Variants in MYT1L observed in about 807,000 individuals in gnomAD.
MYT1L encodes myelin transcription factor 1 like.
MYT1L carries 12 observed loss-of-function variants against 126.7 expected under a neutral mutation model. The ratio of observed to expected loss-of-function variants is 0.09; its 90% confidence interval spans 0.06 to 0.15. The LOEUF is 0.15. Ranked by LOEUF, MYT1L falls within the 10% of genes least tolerant of loss-of-function variation. The probability of loss-of-function intolerance (pLI) is 1.00; values close to 1 mark genes in which losing one functional copy is unlikely to be tolerated. For missense variants in MYT1L, 979 were observed against 1,585.2 expected, an observed-to-expected ratio of 0.62 and a Z score of 6.49; for synonymous variants, 541 against 604.2, an observed-to-expected ratio of 0.90 and a Z score of 1.53.
chr2:1,892,403 C>T, intron 14 of MYT1L, 116 bp from the exon 15 acceptor site: 1 of 1,399,290 alleles, frequency 7.1e-7, no homozygotes, highest in Non-Finnish European at 9.5e-7. Context: ...TGGGACGGCC[C>T]TCAGGGTGCT....
At chr2:2,321,588 T>C (rs547754994) in intron 1 of MYT1L, among the ~76,000 whole-genome samples, 1 of 152,242 alleles carries the variant, frequency 6.6e-6, no homozygotes, top group South Asian at 2.1e-4. Flanking sequence ...TGAAAAACCA[T>C]TCTGTTGAGG....
intron 18 of MYT1L, among the ~76,000 whole-genome samples, chr2:1,883,012 C>T (rs777650255): frequency 7.2e-5 from 11 of 152,194 alleles, no homozygotes; most frequent in African/African-American, 1.2e-4. Context: ...GGGACTACTG[C>T]GCGTACGGGA....
intron 4 of MYT1L, among the ~76,000 whole-genome samples, chr2:2,003,042 G>A (rs751720263): frequency 6.6e-6 from 1 of 152,078 alleles, no homozygotes; most frequent in African/African-American, 2.4e-5. Context: ...GCATGAGAAT[G>A]GACTAATATA....
chr2:1,998,844 A>C (rs1243084419), intron 4 of MYT1L, among the ~76,000 whole-genome samples: 2 of 152,090 alleles, frequency 1.3e-5, no homozygotes, highest in South Asian at 2.1e-4. Context: ...CCGCCTTTGG[A>C]TCTTATGTGC....
intron 18 of MYT1L, among the ~76,000 whole-genome samples, chr2:1,858,663 T>G (rs6750860): frequency 0.21 from 31,318 of 152,144 alleles, 4,280 homozygotes; most frequent in African/African-American, 0.39. Flanking sequence ...TCTGGCCAAT[T>G]TCTTAAAGAG....
chr2:2,121,026 C>T (rs372481610), intron 3 of MYT1L, among the ~76,000 whole-genome samples: 1 of 152,170 alleles, frequency 6.6e-6, no homozygotes, highest in African/African-American at 2.4e-5. Flanking sequence ...AACCAGCGCC[C>T]ACAGACCCTT....
chr2:2,009,974 A>G (rs1225728243), intron 4 of MYT1L, among the ~76,000 whole-genome samples: 1 of 145,552 alleles, frequency 6.9e-6, no homozygotes, highest in Non-Finnish European at 1.5e-5. Flanking sequence ...TGAGATGATC[A>G]TGGGGTTTTA....
intron 9 of MYT1L, among the ~76,000 whole-genome samples, chr2:1,934,719 C>G (rs1436553748): frequency 7.0e-6 from 1 of 143,142 alleles, no homozygotes; most frequent in Non-Finnish European, 1.5e-5. Flanking sequence ...CCCCCTGTCT[C>G]TGTCATGTAC....
chr2:2,143,514 CAG>C (rs909972133), intron 3 of MYT1L, among the ~76,000 whole-genome samples: 1 of 152,040 alleles, frequency 6.6e-6, no homozygotes, highest in Non-Finnish European at 1.5e-5. Flanking sequence ...CAAGTCCTCT[CAG>C]GGGGTAGGAG....
intron 3 of MYT1L, among the ~76,000 whole-genome samples, chr2:2,148,278 A>T (rs1484390003): frequency 6.6e-6 from 1 of 152,214 alleles, no homozygotes; most frequent in South Asian, 2.1e-4. Context: ...GTGGAGATGG[A>T]TGGTTTCGGG....
At chr2:2,134,425 G>C (rs990910510) in intron 3 of MYT1L, among the ~76,000 whole-genome samples, 1 of 152,218 alleles carries the variant, frequency 6.6e-6, no homozygotes, top group African/African-American at 2.4e-5. Context: ...GACTATGTAT[G>C]TCCCTTGCTG....
chr2:2,314,778 A>G (rs1030868933), intron 1 of MYT1L, among the ~76,000 whole-genome samples: 14 of 152,168 alleles, frequency 9.2e-5, no homozygotes, highest in Admixed American at 2.6e-4. Context: ...TTCAAACTAT[A>G]CTACCAGGCT....
At chr2:2,078,308 C>T (rs940948120) in intron 3 of MYT1L, among the ~76,000 whole-genome samples, 4 of 152,074 alleles carry the variant, frequency 2.6e-5, no homozygotes, top group Non-Finnish European at 5.9e-5. Context: ...AGAAAATAAA[C>T]TGCATAACTG....
intron 1 of MYT1L, among the ~76,000 whole-genome samples, chr2:2,295,659 CAGACAGAGAGAGAGAGAGAGACAGACAG>C (rs2095670347): frequency 2.2e-5 from 2 of 89,514 alleles, no homozygotes; most frequent in Admixed American, 1.2e-4. Flanking sequence ...GAGAGACAGA[CAGACAGAGAGAGAGAGAGAGACAGACAG>C]AGAGAGAGAG....
At chr2:1,986,816 T>G (rs1419638856) in intron 5 of MYT1L, among the ~76,000 whole-genome samples, 1 of 152,124 alleles carries the variant, frequency 6.6e-6, no homozygotes, top group Non-Finnish European at 1.5e-5. Flanking sequence ...GCTTTGTTGT[T>G]CACACTAAGA....
rs773276922 is a variant in MYT1L, at chr2:1,889,232, A to AG, written c.2520+8dup. The AG allele has an allele frequency of 8.1e-6, 13 of 1,603,870 alleles. No homozygotes were observed. The South Asian group carries it at 1.4e-4, about 18-fold the overall frequency. On this transcript the variant is annotated intron_variant, in intron 16 of 24. Coordinates refer to ENST00000647738, the MANE Select transcript of MYT1L (RefSeq NM_001303052.2). This position sits in a 1 kb window ranked among gnomAD's most constrained non-coding sequence, Gnocchi z 4.1. The stretch of plus-strand genomic sequence containing the variant: ...GGCAGTCAACACAGGCTCAATGAAA[A>AG]GGACATACAGTAATGTCTTTGGACT...
intron 5 of MYT1L, among the ~76,000 whole-genome samples, chr2:1,994,697 T>G (rs1156805096): frequency 6.6e-6 from 1 of 152,224 alleles, no homozygotes; most frequent in Non-Finnish European, 1.5e-5. Flanking sequence ...CTACATCTGG[T>G]TTATATTCAG....
At chr2:2,112,560 T>C (rs1007416376) in intron 3 of MYT1L, among the ~76,000 whole-genome samples, 4 of 152,128 alleles carry the variant, frequency 2.6e-5, no homozygotes, top group African/African-American at 7.2e-5. Context: ...TCCCAGGCAA[T>C]CCCCATTACA....
chr2:2,324,189 A>G (rs1214204596), intron 1 of MYT1L: 1 of 152,186 alleles, frequency 6.6e-6, no homozygotes, highest in East Asian at 1.9e-4. Context: ...GATATCAAAG[A>G]GCAGCCTCAA....
Sources: allele counts gnomAD v4.1 joint callset (sites outside exome capture counted in the v4.1 genomes callset), GRCh38; gene constraint gnomAD v4.1.1; non-coding constraint Gnocchi (gnomAD v3.1); transcripts MANE v1.5; gene names NCBI Gene and HGNC (gene_info 2026-07-23, HGNC 2026-07-21).